Variants in TXNDC9 observed in about 807,000 individuals in gnomAD.
The protein encoded by TXNDC9 is thioredoxin domain containing 9.
In TXNDC9, 7 loss-of-function variants were observed where a neutral mutation model predicts 23.0. The ratio of observed to expected loss-of-function variants is 0.30; its 90% CI spans 0.17 to 0.57. The LOEUF is 0.57. Among genes scored for constraint, TXNDC9 ranks in the 20% least tolerant of loss-of-function variants. The pLI, the probability that TXNDC9 is intolerant of heterozygous loss-of-function variation, is 0.90. For missense variants in TXNDC9, 198 were observed against 252.6 expected (o/e 0.78, Z 1.47); for synonymous variants, 72 against 90.6 (o/e 0.79, Z 1.17).
At chr2:99,324,200 G>A (rs1002010671) in intron 3 of TXNDC9, among the ~76,000 whole-genome samples, 1 of 152,104 alleles carries the variant, frequency 6.6e-6, no homozygotes, top group Non-Finnish European at 1.5e-5. Flanking sequence ...CAGTGGAGTT[G>A]GGAAACATAC....
chr2:99,307,003 T>TTCCCTCCCTCCC, the TXNDC9 span, among the ~76,000 whole-genome samples: 269 of 113,074 alleles, frequency 2.4e-3, no homozygotes, highest in African/African-American at 7.7e-3. Context: ...CCAAGTTCAA[T>TTCCCTCCCTCCC]TCCCTCCCTC....
At chr2:99,323,948 C>T (rs909313526) in intron 3 of TXNDC9, among the ~76,000 whole-genome samples, 7 of 152,152 alleles carry the variant, frequency 4.6e-5, no homozygotes, top group Non-Finnish European at 5.9e-5. Context: ...TGGGTTCAAT[C>T]GATTCTCCTT....
At chr2:99,330,015 C>T (rs1261992786) in intron 2 of TXNDC9, among the ~76,000 whole-genome samples, 15 of 150,950 alleles carry the variant, frequency 9.9e-5, no homozygotes, top group African/African-American at 2.7e-4. Flanking sequence ...CTAGGCCGGG[C>T]GCAGTGGCTC....
At chr2:99,332,957 T>C (rs781387940) in intron 2 of TXNDC9, 65 bp downstream of exon 2, 1 of 1,246,760 alleles carries the variant, frequency 8.0e-7, no homozygotes, top group African/African-American at 1.5e-5. Flanking sequence ...CTACAGCACA[T>C]GTATATATAA....
rs2094196514 is a variant in TXNDC9 at position 99,319,475 on chromosome 2, C to G, written c.*207G>C. The G allele has an allele frequency of 5.4e-5, 24 of 444,854 alleles. No individual in the cohort carries two copies. The South Asian group carries it at 9.5e-4, about 18-fold the overall frequency. The allele number at this position is 444,854 out of a possible 1,614,324, so 27.6% of individuals were successfully genotyped here. ...AAAAATAGAGAATCCAGACCCTTCCCAGATAATTTAAGAACTGAGTTTTCC... is the reference window on the plus strand; with the variant it reads ...AAAAATAGAGAATCCAGACCCTTCCGAGATAATTTAAGAACTGAGTTTTCC... On this transcript the variant is annotated 3_prime_UTR_variant, in exon 5 of 5. Transcript: ENST00000264255.
At chr2:99,335,328 T>C (rs2094236094) in intron 1 of TXNDC9, among the ~76,000 whole-genome samples, 1 of 152,224 alleles carries the variant, frequency 6.6e-6, no homozygotes, top group Admixed American at 6.5e-5. Flanking sequence ...TGATTCCTTT[T>C]TCTTTACAGG....
At chr2:99,309,187 G>A in the TXNDC9 span, among the ~76,000 whole-genome samples, 22 of 147,892 alleles carry the variant, frequency 1.5e-4, no homozygotes, top group African/African-American at 4.0e-4. Context: ...AGCCTGGCCC[G>A]CATGACGAAA....
At chr2:99,317,302 A>G (rs1409500071), downstream of TXNDC9, among the ~76,000 whole-genome samples, 1 of 152,142 alleles carries the variant, frequency 6.6e-6, no homozygotes, top group South Asian at 2.1e-4. Context: ...TGAGGACTGG[A>G]TATTTTAGAC....
rs1038134135 is a variant in TXNDC9, at chr2:99,334,954, T to C, written c.-33+1285A>G. On this transcript the variant is annotated intron_variant, in intron 1 of 4. Coordinates refer to ENST00000264255, the MANE Select transcript of TXNDC9 (RefSeq NM_005783.4). ...TGGCTACGATCTCCTGACCTCGTGA[T>C]CCGCCCGCCTCGGCCTCCCAAAGTG... Among the ~76,000 whole-genome samples, 5 of 152,364 alleles carry C rather than the reference T, an allele frequency of 3.3e-5. No homozygotes were observed. The South Asian group carries it at 8.3e-4, about 25-fold the overall frequency.
At chr2:99,323,102 G>A (rs985130107) in intron 3 of TXNDC9, among the ~76,000 whole-genome samples, 3 of 151,972 alleles carry the variant, frequency 2.0e-5, no homozygotes, top group South Asian at 2.1e-4. Flanking sequence ...CAATGAAGAC[G>A]GAAACAGAAG....
At position 99,327,566 on chromosome 2, in the gene TXNDC9, CCA is replaced by C; in HGVS notation, c.275_276del (p.Val92GlyfsTer13). 6.2e-7 allele frequency: 1 copy of C among 1,613,364 alleles called. No homozygotes were observed. The highest frequency in any genetic ancestry group is 1.3e-5 in the African/African-American group (1 of 74,976). ...GTGGAGTCTCTGTAGAAATGGCAAA[CCA>C]CATTTTCACTCTCCTTGACTTCTTG... Reference protein sequence around the residue: ...FFQEVKESENVVCHFYRDSTF... With the variant: ...FFQEVKESENXVCHFYRDSTF... On this transcript the variant is annotated frameshift_variant, in exon 3 of 5. Coordinates refer to ENST00000264255, the MANE Select transcript of TXNDC9 (RefSeq NM_005783.4). LOFTEE classifies it high-confidence loss of function.
downstream of TXNDC9, among the ~76,000 whole-genome samples, chr2:99,317,762 GCCA>G (rs2094192540): frequency 2.6e-5 from 4 of 151,968 alleles, no homozygotes; most frequent in Admixed American, 2.6e-4. Flanking sequence ...ACAGGCATGA[GCCA>G]CCACACCTGG....
Position 99,322,099 on chromosome 2 carries a change from A to G in TXNDC9, c.419T>C (p.Ile140Thr). 1 of 1,614,146 alleles carries G rather than the reference A, an allele frequency of 6.2e-7. No individual in the cohort carries two copies. The highest frequency in any genetic ancestry group is 8.5e-7 in the Non-Finnish European group (1 of 1,180,022). ...KAPFLCERLH[I>T]KVIPTLALLK... ...CAGTGCTAGTGTGGGAATGACTTTG[A>G]TATGCAGTCTCTCACAAAGGAAAGG... The change falls in exon 4 of 5, where the codon ATC becomes ACC. Residue 140 changes from isoleucine to threonine, a missense_variant. Transcript: ENST00000264255.
At chr2:99,319,853 A>C in intron 4 of TXNDC9, 54 bp from the exon 5 acceptor site, 1 of 1,067,250 alleles carries the variant, frequency 9.4e-7, no homozygotes, top group Middle Eastern at 2.5e-4. Context: ...TAGTATACTA[A>C]ACTGCACAAA....
chr2:99,319,572 C>T lies in TXNDC9; in HGVS notation c.*110G>A, dbSNP rs951612670. ...CGATGTGATACAACTGTATAAAACT[C>T]GAGAATATGAGTATTTAGGTGACCA... On this transcript the variant is annotated 3_prime_UTR_variant, in exon 5 of 5. Coordinates refer to ENST00000264255, the MANE Select transcript of TXNDC9 (RefSeq NM_005783.4). The T allele has an allele frequency of 4.0e-5, 31 of 779,586 alleles. 1 individual carries two copies. The highest frequency in any genetic ancestry group is 3.9e-4 in the South Asian group (23 of 59,420). 48.3% of individuals were successfully genotyped at this position (779,586 alleles called of 1,614,324 possible).
intron 3 of TXNDC9, among the ~76,000 whole-genome samples, chr2:99,324,076 C>A (rs2094208392): frequency 1.3e-5 from 2 of 152,096 alleles, no homozygotes; most frequent in Admixed American, 6.6e-5. Flanking sequence ...GAACTGCTGA[C>A]CTCAAGCAAT....
At chr2:99,314,487 T>G (rs564817822), downstream of TXNDC9, among the ~76,000 whole-genome samples, 1 of 150,582 alleles carries the variant, frequency 6.6e-6, no homozygotes, top group Non-Finnish European at 1.5e-5. Context: ...GGTTTTAAAG[T>G]GTACAGGAGA....
chr2:99,317,724 C>T (rs934899592), downstream of TXNDC9, among the ~76,000 whole-genome samples: 9 of 151,956 alleles, frequency 5.9e-5, no homozygotes, highest in Non-Finnish European at 1.2e-4. Flanking sequence ...GTGGTCCTCC[C>T]GCCTCCGCAT....
At chr2:99,322,672 A>G in intron 3 of TXNDC9, 1 of 1,536,496 alleles carries the variant, frequency 6.5e-7, no homozygotes, top group Non-Finnish European at 8.8e-7. Context: ...GTCAGTAAGA[A>G]GCACATTAAG....
Sources: allele counts gnomAD v4.1 joint callset (sites outside exome capture counted in the v4.1 genomes callset), GRCh38; gene constraint gnomAD v4.1.1; transcripts MANE v1.5; gene names NCBI Gene and HGNC (gene_info 2026-07-23, HGNC 2026-07-21).